NOX4: variants seen among roughly 807,000 people sequenced by gnomAD.
NOX4 encodes kidney oxidase-1.
In NOX4, 69 loss-of-function variants were observed where a neutral mutation model predicts 87.6. The observed-to-expected ratio is 0.79, with a 90% CI of 0.65 to 0.96. The LOEUF is 0.96. NOX4 is among the 40% of genes least tolerant of loss of function. The probability of loss-of-function intolerance (pLI) is 0.00; values close to 1 mark genes in which losing one functional copy is unlikely to be tolerated. For synonymous variants in NOX4, 275 were observed against 238.2 expected, an observed-to-expected ratio of 1.15 and a Z score of -1.42; for missense variants, 680 against 681.5, an observed-to-expected ratio of 1.00 and a Z score of 0.02.
intron 2 of NOX4, among the ~76,000 whole-genome samples, chr11:89,488,644 G>A (rs596542): frequency 0.91 from 139,110 of 152,190 alleles, 63,709 homozygotes; most frequent in Non-Finnish European, 0.94. Context: ...TAAATTTCCA[G>A]TTCTTAGATT....
the NOX4 span, among the ~76,000 whole-genome samples, chr11:89,536,006 T>C: frequency 1.3e-5 from 2 of 152,170 alleles, no homozygotes; most frequent in Non-Finnish European, 2.9e-5. Context: ...TACTAACCGC[T>C]GCCTTCAATA....
At chr11:89,362,969 C>A (rs1380799240) in intron 12 of NOX4, among the ~76,000 whole-genome samples, 1 of 152,112 alleles carries the variant, frequency 6.6e-6, no homozygotes, top group Non-Finnish European at 1.5e-5. Flanking sequence ...GTAAGTCAGG[C>A]ACCAACTGAG....
At chr11:89,587,077 C>T in the NOX4 span, among the ~76,000 whole-genome samples, 3 of 151,958 alleles carry the variant, frequency 2.0e-5, no homozygotes, top group East Asian at 1.9e-4. Flanking sequence ...CTTTTGGGAG[C>T]AAAGACACAG....
intron 17 of NOX4, among the ~76,000 whole-genome samples, chr11:89,329,844 GA>G (rs1945395087): frequency 6.6e-6 from 1 of 151,714 alleles, no homozygotes; most frequent in Admixed American, 6.6e-5. Flanking sequence ...AAACCTGAAA[GA>G]ATTGTCAGCA....
intron 11 of NOX4, among the ~76,000 whole-genome samples, chr11:89,388,430 A>G (rs868044147): frequency 1.3e-5 from 2 of 152,286 alleles, no homozygotes; most frequent in South Asian, 4.1e-4. Flanking sequence ...GTTGGGGGTT[A>G]CAAAGATTTG....
intron 8 of NOX4, among the ~76,000 whole-genome samples, chr11:89,407,987 T>TC (rs2135212923): frequency 3.0e-5 from 1 of 33,352 alleles, no homozygotes; most frequent in African/African-American, 3.9e-4. Context: ...TATAATATGA[T>TC]TTTTTTTCTT....
At chr11:89,571,152 G>A in the NOX4 span, among the ~76,000 whole-genome samples, 1 of 152,142 alleles carries the variant, frequency 6.6e-6, no homozygotes, top group East Asian at 1.9e-4. Context: ...GACTAAGGAT[G>A]TTAAGCATCA....
rs1329367194 is a variant in NOX4, at chr11:89,417,277, T to G, written c.629+4625A>C. ...TACTCTTTTTATCAGTAAGTGAGAA[T>G]AGCAGTATGCATCTCCTTCTGAGTT... On this transcript the variant is annotated intron_variant, in intron 8 of 17. Transcript: ENST00000263317. Among the ~76,000 whole-genome samples, 4 of 152,276 alleles carry G rather than the reference T, an allele frequency of 2.6e-5. No individual in the cohort carries two copies. In the East Asian group the frequency reaches 7.7e-4, roughly 29 times the overall value.
At chr11:89,516,489 T>A in the NOX4 span, among the ~76,000 whole-genome samples, 2 of 152,072 alleles carry the variant, frequency 1.3e-5, no homozygotes, top group Non-Finnish European at 2.9e-5. Context: ...GGCTTTTTTT[T>A]AAATCTCAAG....
the NOX4 span, among the ~76,000 whole-genome samples, chr11:89,555,827 A>T: frequency 6.6e-6 from 1 of 152,318 alleles, no homozygotes; most frequent in East Asian, 1.9e-4. Flanking sequence ...TTTAATAGCT[A>T]GTAAAATCTG....
chr11:89,454,136 T>C (rs1028580613), intron 2 of NOX4, among the ~76,000 whole-genome samples: 3 of 152,290 alleles, frequency 2.0e-5, no homozygotes, highest in Admixed American at 6.5e-5. Flanking sequence ...AGCATAATTA[T>C]TCTGTTACTT....
chr11:89,503,642 C>G, the NOX4 span, among the ~76,000 whole-genome samples: 1 of 151,304 alleles, frequency 6.6e-6, no homozygotes, highest in African/African-American at 2.4e-5. Flanking sequence ...TCCACTGAAC[C>G]CTGGCTCTGC....
chr11:89,550,403 C>A, the NOX4 span, among the ~76,000 whole-genome samples: 1 of 152,102 alleles, frequency 6.6e-6, no homozygotes, highest in Admixed American at 6.5e-5. Context: ...CCAGGTTGGT[C>A]TTGAACTCCT....
chr11:89,505,001 C>T, the NOX4 span, among the ~76,000 whole-genome samples: 1 of 151,880 alleles, frequency 6.6e-6, no homozygotes, highest in Non-Finnish European at 1.5e-5. Flanking sequence ...CCTTCTAGCC[C>T]CATCTTTCTC....
chr11:89,543,415 G>A, the NOX4 span, among the ~76,000 whole-genome samples: 19 of 152,056 alleles, frequency 1.2e-4, no homozygotes, highest in Non-Finnish European at 2.1e-4. Context: ...ACAACATGTT[G>A]ATTATATTTA....
At chr11:89,556,683 G>A in the NOX4 span, among the ~76,000 whole-genome samples, 1 of 152,110 alleles carries the variant, frequency 6.6e-6, no homozygotes, top group Non-Finnish European at 1.5e-5. Context: ...AAAAGAAATG[G>A]GAGGGTTACC....
At chr11:89,339,717 T>G (rs1182194779) in intron 15 of NOX4, among the ~76,000 whole-genome samples, 1 of 152,138 alleles carries the variant, frequency 6.6e-6, no homozygotes, top group African/African-American at 2.4e-5. Flanking sequence ...AGCAGGAGCC[T>G]TCTGGTATTT....
chr11:89,417,096 C>A (rs367635549), intron 8 of NOX4, among the ~76,000 whole-genome samples: 1 of 152,124 alleles, frequency 6.6e-6, no homozygotes, highest in Non-Finnish European at 1.5e-5. Context: ...CAGCACTCTC[C>A]AAGCTAAAGC....
the NOX4 span, among the ~76,000 whole-genome samples, chr11:89,528,000 G>A: frequency 4.6e-5 from 7 of 152,192 alleles, no homozygotes; most frequent in African/African-American, 1.7e-4. Flanking sequence ...GAGAGGGGCT[G>A]TACCCTGCAA....
Sources: gnomAD v4.1 joint callset for allele counts (sites outside exome capture counted in the v4.1 genomes callset) on GRCh38, gnomAD v4.1.1 for gene constraint, MANE v1.5 for transcripts, NCBI Gene and HGNC (gene_info 2026-07-23, HGNC 2026-07-21) for gene names.